The following PTPRT variants were observed in gnomAD, a reference collection of about 807,000 sequenced individuals.
PTPRT encodes the protein protein tyrosine phosphatase receptor type T, also known as receptor-type tyrosine-protein phosphatase T.
Under a neutral mutation model 176.8 loss-of-function variants are expected in PTPRT, and 56 were observed. That is an observed-to-expected ratio of 0.32 (90% CI 0.26 to 0.40). The LOEUF (loss-of-function observed/expected upper bound fraction) is 0.40, where lower values mean the gene tolerates loss of function less well. PTPRT is among the 10% of genes least tolerant of loss of function. The probability of loss-of-function intolerance (pLI) is 1.00; values close to 1 mark genes in which losing one functional copy is unlikely to be tolerated. For missense variants in PTPRT, 1,540 were observed against 1,908.2 expected, an observed-to-expected ratio of 0.81 and a Z score of 3.60; for synonymous variants, 783 against 739.0, an observed-to-expected ratio of 1.06 and a Z score of -0.96.
intron 17 of PTPRT, among the ~76,000 whole-genome samples, chr20:42,149,500 C>A (rs894916900): frequency 2.0e-5 from 3 of 151,510 alleles, no homozygotes; most frequent in Non-Finnish European, 4.4e-5. Context: ...CTCAGCTCAC[C>A]GCAACGTCTG....
chr20:42,200,383 T>G (rs993665643), intron 15 of PTPRT, among the ~76,000 whole-genome samples: 1 of 152,198 alleles, frequency 6.6e-6, no homozygotes, highest in Admixed American at 6.5e-5. Flanking sequence ...GCCTCGCACA[T>G]AGTGGACACT....
chr20:42,820,823 T>C (rs1218134117), intron 2 of PTPRT, among the ~76,000 whole-genome samples: 1 of 152,102 alleles, frequency 6.6e-6, no homozygotes, highest in Non-Finnish European at 1.5e-5. Context: ...AAGAAATTGA[T>C]AAATTCCTGG....
chr20:42,348,324 G>A (rs2058224976), intron 11 of PTPRT, among the ~76,000 whole-genome samples: 1 of 151,998 alleles, frequency 6.6e-6, no homozygotes, highest in Non-Finnish European at 1.5e-5. Flanking sequence ...AAAGCAGCCA[G>A]ACATTTCCAG....
At chr20:43,132,093 T>C (rs908919955) in intron 1 of PTPRT, among the ~76,000 whole-genome samples, 2 of 151,936 alleles carry the variant, frequency 1.3e-5, no homozygotes, top group Non-Finnish European at 2.9e-5. Context: ...AGTGTTCCCA[T>C]TAGAGAAAGG....
chr20:43,116,857 C>T (rs2013080473), intron 1 of PTPRT, among the ~76,000 whole-genome samples: 1 of 152,146 alleles, frequency 6.6e-6, no homozygotes, highest in African/African-American at 2.4e-5. Flanking sequence ...TGAAGCATGG[C>T]TGTATTAGAT....
intron 7 of PTPRT, among the ~76,000 whole-genome samples, chr20:42,625,659 G>A (rs757991860): frequency 6.6e-6 from 1 of 151,990 alleles, no homozygotes; most frequent in Admixed American, 6.5e-5. Flanking sequence ...ATGGGTGGGT[G>A]AGTCTATAAT....
intron 13 of PTPRT, among the ~76,000 whole-genome samples, chr20:42,276,727 G>A (rs2057046124): frequency 6.6e-6 from 1 of 150,814 alleles, no homozygotes; most frequent in African/African-American, 2.4e-5. Context: ...AACCTCTCAA[G>A]GAAGCTTCCT....
At chr20:42,243,746 CTG>C (rs1419114998) in intron 14 of PTPRT, among the ~76,000 whole-genome samples, 2 of 152,202 alleles carry the variant, frequency 1.3e-5, no homozygotes, top group African/African-American at 4.8e-5. Context: ...TCTAGAGACA[CTG>C]AGACTGGGTT....
At chr20:42,426,534 A>G (rs764097645) in intron 9 of PTPRT, among the ~76,000 whole-genome samples, 5 of 152,188 alleles carry the variant, frequency 3.3e-5, no homozygotes, top group Admixed American at 6.5e-5. Flanking sequence ...TGGACACTGG[A>G]CAAGAACCCA....
At chr20:42,275,580 G>T (rs1195442014) in intron 13 of PTPRT, among the ~76,000 whole-genome samples, 1 of 152,128 alleles carries the variant, frequency 6.6e-6, no homozygotes, top group Non-Finnish European at 1.5e-5. Flanking sequence ...GGTATGGAAG[G>T]GGTGTGTGTG....
At chr20:43,154,900 C>T (rs556884393) in intron 1 of PTPRT, among the ~76,000 whole-genome samples, 2 of 152,002 alleles carry the variant, frequency 1.3e-5, no homozygotes, top group South Asian at 2.1e-4. Context: ...CTCGAATAGA[C>T]ATTGATCCAA....
intron 7 of PTPRT, among the ~76,000 whole-genome samples, chr20:42,627,259 T>C: frequency 6.7e-6 from 1 of 149,914 alleles, no homozygotes. Context: ...TGTTTTTCCA[T>C]GTTTCTTTCT....
intron 4 of PTPRT, among the ~76,000 whole-genome samples, chr20:42,776,109 G>A (rs1439201897): frequency 6.6e-6 from 1 of 152,146 alleles, no homozygotes; most frequent in African/African-American, 2.4e-5. Flanking sequence ...ACAAATCTGT[G>A]AGTGCACTAT....
intron 1 of PTPRT, among the ~76,000 whole-genome samples, chr20:43,043,096 A>C (rs535092510): frequency 6.6e-6 from 1 of 152,090 alleles, no homozygotes; most frequent in Non-Finnish European, 1.5e-5. Context: ...GGCTTCCAGG[A>C]CTCTGGTCTT....
chr20:42,057,272 A>G, the PTPRT span, among the ~76,000 whole-genome samples: 11 of 152,260 alleles, frequency 7.2e-5, no homozygotes, highest in East Asian at 2.1e-3. Context: ...TGGAACCAGC[A>G]AGTATTCTGG....
chr20:42,892,425 G>T (rs144972824), intron 1 of PTPRT, among the ~76,000 whole-genome samples: 5 of 151,882 alleles, frequency 3.3e-5, no homozygotes, highest in Admixed American at 3.3e-4. Flanking sequence ...ACAGAATCTG[G>T]TCTCACCATG....
At chr20:42,189,236 G>C (rs531691426) in intron 16 of PTPRT, among the ~76,000 whole-genome samples, 2 of 152,216 alleles carry the variant, frequency 1.3e-5, no homozygotes, top group East Asian at 3.9e-4. Context: ...TTCCACCTGG[G>C]TCAATCTGTT....
intron 9 of PTPRT, among the ~76,000 whole-genome samples, chr20:42,404,873 C>T (rs997816591): frequency 6.6e-6 from 1 of 150,742 alleles, no homozygotes; most frequent in Non-Finnish European, 1.5e-5. Flanking sequence ...ATAAAAACAA[C>T]TGAAGTATGA....
chr20:42,082,427 T>C (rs1600461690), intron 29 of PTPRT, among the ~76,000 whole-genome samples: 2 of 152,188 alleles, frequency 1.3e-5, no homozygotes, highest in East Asian at 3.9e-4. Context: ...TGCATCCATG[T>C]CCAAAAGAAT....
Sources: gnomAD v4.1 joint callset for allele counts (sites outside exome capture counted in the v4.1 genomes callset) on GRCh38, gnomAD v4.1.1 for gene constraint, MANE v1.5 for transcripts, NCBI Gene and HGNC (gene_info 2026-07-23, HGNC 2026-07-21) for gene names.